Variants in MAOB observed in about 807,000 individuals in gnomAD.
MAOB encodes monoamine oxidase B, also known as amine oxidase [flavin-containing] B.
Under a neutral mutation model 41.9 loss-of-function variants are expected in MAOB, and 15 were observed. The ratio of observed to expected loss-of-function variants is 0.36; its 90% CI spans 0.24 to 0.55. MAOB has a LOEUF of 0.55. Among genes scored for constraint, MAOB ranks in the 20% least tolerant of loss-of-function variants. The pLI is 0.86. For synonymous variants in MAOB, 167 were observed against 144.2 expected, an observed-to-expected ratio of 1.16 and a Z score of -1.13; for missense variants, 345 against 398.7, an observed-to-expected ratio of 0.87 and a Z score of 1.15.
chrX:43,780,910 C>A lies in MAOB; in HGVS notation c.1026-515G>T, dbSNP rs1311957822. Among the ~76,000 whole-genome samples, 3 of 111,818 alleles carry A rather than the reference C, an allele frequency of 2.7e-5. No individual in the cohort carries two copies. In the East Asian group the frequency reaches 8.4e-4, roughly 31 times the overall value. ...TGGCTCTCTCTGAGATAAACTCATA[C>A]ATGTCCTGAGGCCCATCTTAATTTT... On this transcript the variant is annotated intron_variant, in intron 9 of 14. Transcript: ENST00000378069.
At chrX:43,871,957 G>A (rs1335864877) in intron 1 of MAOB, among the ~76,000 whole-genome samples, 1 of 111,618 alleles carries the variant, frequency 9.0e-6, no homozygotes, top group African/African-American at 3.3e-5. Flanking sequence ...TGTAAAACAT[G>A]AAACAGCTGT....
At chrX:43,870,100 G>A (rs1329675113) in intron 1 of MAOB, among the ~76,000 whole-genome samples, 2 of 112,287 alleles carry the variant, frequency 1.8e-5, no homozygotes, top group Non-Finnish European at 3.8e-5. Context: ...GAATAGAGGT[G>A]TGTGCCAACA....
chrX:43,852,603 T>C (rs2035259352), intron 1 of MAOB, among the ~76,000 whole-genome samples: 2 of 112,156 alleles, frequency 1.8e-5, no homozygotes, highest in African/African-American at 6.5e-5. Context: ...AAGAGAATTC[T>C]GGAAAAAAGT....
intron 1 of MAOB, among the ~76,000 whole-genome samples, chrX:43,865,333 A>T (rs991648057): frequency 1.8e-5 from 2 of 112,325 alleles, no homozygotes; most frequent in Non-Finnish European, 3.8e-5. Flanking sequence ...TATTTGTATA[A>T]AATGTTCATA....
rs753669996 is a variant in MAOB at position 43,778,190 on chromosome X, A to T, written c.1137+492T>A. On this transcript the variant is annotated intron_variant, in intron 11 of 14. Transcript: ENST00000378069. ...GAAAAGAGGGCATGCAGGAGTGGGG[A>T]CAGGTAATCTTATTTTTTTACTGTG... Among the ~76,000 whole-genome samples the T allele has an allele frequency of 5.4e-5, 6 of 111,339 alleles. No homozygotes were observed. The East Asian group carries it at 1.7e-3, about 32-fold the overall frequency.
At chrX:43,842,095 C>G (rs148119473) in intron 2 of MAOB, among the ~76,000 whole-genome samples, 173 of 112,035 alleles carry the variant, frequency 1.5e-3, no homozygotes, top group African/African-American at 5.3e-3. Context: ...TACAAAGCTC[C>G]TGCACAGCAA....
At chrX:43,848,344 A>G (rs1051163229) in intron 1 of MAOB, among the ~76,000 whole-genome samples, 2 of 111,954 alleles carry the variant, frequency 1.8e-5, no homozygotes, top group Non-Finnish European at 3.8e-5. Context: ...TAAAATGCAA[A>G]GTTAATAGTC....
chrX:43,810,230 G>A (rs1484045514), intron 3 of MAOB, among the ~76,000 whole-genome samples: 10 of 65,406 alleles, frequency 1.5e-4, no homozygotes, highest in African/African-American at 5.6e-4. Context: ...GCGACAGAGC[G>A]AGACTCTGTC....
chrX:43,775,868 C>T (rs1314910862), intron 11 of MAOB, among the ~76,000 whole-genome samples: 1 of 111,774 alleles, frequency 8.9e-6, no homozygotes, highest in Non-Finnish European at 1.9e-5. Flanking sequence ...TTTAAAGTAA[C>T]CAAACAGAAG....
rs189023612 is a variant in MAOB, at chrX:43,795,988, T to C, written c.619-100A>G. 1.1e-5 allele frequency: 10 copies of C among 906,610 alleles called. No homozygotes were observed. The African/African-American group carries it at 1.6e-4, about 15-fold the overall frequency. 74.7% of individuals were successfully genotyped at this position (906,610 alleles called of 1,213,427 possible). A position where few individuals can be genotyped will look rare whatever the true frequency, so the allele number is the denominator to read the frequency against. On this transcript the variant is annotated intron_variant, in intron 6 of 14. Transcript: ENST00000378069. ...TATGTCTACTCTGAGATGTCTAACA[T>C]TTCATTTTGCTGCAGTGAATAGTGG... is the stretch of plus-strand genomic sequence containing the variant.
intron 3 of MAOB, among the ~76,000 whole-genome samples, chrX:43,808,633 CATCTAT>C (rs4071606): frequency 0.21 from 18,246 of 88,941 alleles, 1,798 homozygotes; most frequent in African/African-American, 0.27. Flanking sequence ...GCATCCTGCA[CATCTAT>C]ATCTATATCT....
chrX:43,871,634 C>T (rs1430810752), intron 1 of MAOB, among the ~76,000 whole-genome samples: 1 of 105,505 alleles, frequency 9.5e-6, no homozygotes, highest in Admixed American at 1.0e-4. Context: ...ATTCCCACAC[C>T]TAGCCCAATG....
intron 8 of MAOB, among the ~76,000 whole-genome samples, chrX:43,791,769 AT>A (rs2034466169): frequency 8.9e-6 from 1 of 111,857 alleles, no homozygotes; most frequent in Non-Finnish European, 1.9e-5. Context: ...AAAAAAAAAA[AT>A]TAATTAAATA....
intron 1 of MAOB, among the ~76,000 whole-genome samples, chrX:43,853,509 A>T (rs140472877): frequency 1.8e-5 from 2 of 111,163 alleles, no homozygotes; most frequent in African/African-American, 6.6e-5. Context: ...TGGTGTTGTG[A>T]AATGAATTGA....
intron 3 of MAOB, among the ~76,000 whole-genome samples, chrX:43,828,596 T>G (rs768321316): frequency 9.0e-6 from 1 of 111,148 alleles, no homozygotes; most frequent in East Asian, 2.9e-4. Flanking sequence ...GGGAGAAGGG[T>G]TGAGGGCCTG....
intron 3 of MAOB, among the ~76,000 whole-genome samples, chrX:43,834,745 C>T (rs912017914): frequency 1.8e-5 from 2 of 112,218 alleles, no homozygotes; most frequent in South Asian, 7.3e-4. Context: ...AATCCTCATT[C>T]GCATGCATCT....
In MAOB at chrX:43,782,401, T is replaced by C. The variant is rs148414288; in HGVS notation, c.929-857A>G. Among the ~76,000 whole-genome samples the C allele has an allele frequency of 7.8e-3, 873 of 111,334 alleles. 11 individuals carry two copies. Among genetic ancestry groups the C allele is most frequent in the African/African-American group, 0.027 (838 of 30,545 alleles). ...AACTAGAAAATCTAGAAGAAATGGA[T>C]AAATTCCTGGACACATACACCCTCC... On this transcript the variant is annotated intron_variant, in intron 8 of 14. Coordinates refer to ENST00000378069, the MANE Select transcript of MAOB (RefSeq NM_000898.5).
chrX:43,875,702 T>G (rs2035435337), intron 1 of MAOB, among the ~76,000 whole-genome samples: 1 of 111,621 alleles, frequency 9.0e-6, no homozygotes, highest in African/African-American at 3.3e-5. Flanking sequence ...CGATCTTGCA[T>G]GATTCCAGGG....
Position 43,813,993 on chromosome X carries a change from C to T in MAOB, c.280-10589G>A, listed in dbSNP as rs779584866. Among the ~76,000 whole-genome samples the T allele has an allele frequency of 2.7e-5, 3 of 109,763 alleles. No individual in the cohort carries two copies. The South Asian group carries it at 1.2e-3, about 44-fold the overall frequency. Reference sequence around the variant, plus strand: ...GTTGCAATTTTAATTAAAGTGATGTCAAGGAAGGCCTCAAGGAGAAGGTGA... The same window carrying T: ...GTTGCAATTTTAATTAAAGTGATGTTAAGGAAGGCCTCAAGGAGAAGGTGA... On this transcript the variant is annotated intron_variant, in intron 3 of 14. Coordinates refer to ENST00000378069, the MANE Select transcript of MAOB (RefSeq NM_000898.5).
Sources: allele counts gnomAD v4.1 joint callset (sites outside exome capture counted in the v4.1 genomes callset), GRCh38; gene constraint gnomAD v4.1.1; transcripts MANE v1.5; gene names NCBI Gene and HGNC (gene_info 2026-07-23, HGNC 2026-07-21).